TNFRSF10C: variants seen among roughly 807,000 people sequenced by gnomAD.
TNFRSF10C encodes tumor necrosis factor receptor superfamily member 10C.
A neutral mutation model predicts 16.7 loss-of-function variants in TNFRSF10C; 17 were observed. The ratio of observed to expected loss-of-function variants is 1.02; its 90% CI spans 0.70 to 1.53. TNFRSF10C has a LOEUF of 1.53. Among genes scored for constraint, TNFRSF10C ranks in the 40% most tolerant of loss-of-function variants. The probability of loss-of-function intolerance (pLI) is 0.00; values close to 1 mark genes in which losing one functional copy is unlikely to be tolerated. For synonymous variants in TNFRSF10C, 73 were observed against 119.7 expected (o/e 0.61, Z 2.55); for missense variants, 237 against 329.7 (o/e 0.72, Z 2.18).
rs957730568 is a variant in TNFRSF10C at position 23,111,814 on chromosome 8, A to C, written c.155A>C (p.Glu52Ala). ...CAGAGGCACAGCTTCAAGGGGGAGG[A>C]GTGTCCAGCAGGTGCACTCTTATTT... ...QQQRHSFKGE[E>A]CPAGSHRSEH... The change falls in exon 2 of 5, where the codon GAG (glutamate) becomes GCG (alanine). Residue 52 changes from glutamate (E) to alanine (A), a missense_variant. Transcript: ENST00000356864. The C allele has an allele frequency of 6.2e-7, 1 of 1,614,022 alleles. No individual in the cohort carries two copies. Among genetic ancestry groups the C allele is most frequent in the Non-Finnish European group, 8.5e-7 (1 of 1,179,924 alleles).
At chr8:23,112,011 C>T (rs529548156) in intron 2 of TNFRSF10C, among the ~76,000 whole-genome samples, 186 bp downstream of exon 2, 1 of 152,282 alleles carries the variant, frequency 6.6e-6, no homozygotes, top group South Asian at 2.1e-4. Context: ...CAATTTTCAG[C>T]TGTATGGATA....
chr8:23,104,033 G>C (rs931919694), intron 1 of TNFRSF10C, among the ~76,000 whole-genome samples: 13 of 151,886 alleles, frequency 8.6e-5, no homozygotes, highest in African/African-American at 2.9e-4. Context: ...GCTAAATTCA[G>C]AAAAGCAGTA....
intron 1 of TNFRSF10C, among the ~76,000 whole-genome samples, chr8:23,106,306 G>A (rs546388970): frequency 2.0e-5 from 3 of 152,176 alleles, no homozygotes; most frequent in Non-Finnish European, 4.4e-5. Flanking sequence ...GCTGGAGAGA[G>A]GCCATGCTGT....
chr8:23,114,439 T>C (rs1262231736), intron 2 of TNFRSF10C: 3 of 422,296 alleles, frequency 7.1e-6, no homozygotes, highest in Non-Finnish European at 1.3e-5. Context: ...CTCATAGAAT[T>C]TGAATTTTGC....
intron 2 of TNFRSF10C, among the ~76,000 whole-genome samples, 161 bp downstream of exon 2, chr8:23,111,986 TA>T: frequency 6.6e-6 from 1 of 152,200 alleles, no homozygotes; most frequent in East Asian, 1.9e-4. Context: ...TAAGAACACT[TA>T]AAAATCTGCT....
intron 1 of TNFRSF10C, among the ~76,000 whole-genome samples, chr8:23,110,825 TG>T (rs1232384473): frequency 6.6e-6 from 1 of 152,238 alleles, no homozygotes; most frequent in East Asian, 1.9e-4. Context: ...TGTATTTGTG[TG>T]TGTGTGAGTG....
chr8:23,103,174 T>A lies in TNFRSF10C; in HGVS notation c.53T>A (p.Leu18Gln). Residue 18 changes from leucine (L) to glutamine (Q), a missense_variant, in exon 1 of 5, where the codon CTG (leucine) becomes CAG (glutamine). Transcript: ENST00000356864. ...TTCGTCGTCGTCATCGTCGCGGTCC[T>A]GCTGCCAGTGAGTCCCGGCCGCGGT... Reference protein sequence around the residue: ...LKFVVVIVAVLLPVLAYSATT... With the variant: ...LKFVVVIVAVQLPVLAYSATT... 6.2e-7 allele frequency: 1 copy of A among 1,611,052 alleles called. No homozygotes were observed. The highest frequency in any genetic ancestry group is 8.5e-7 in the Non-Finnish European group (1 of 1,178,978).
At chr8:23,108,956 GAT>G (rs148394266) in intron 1 of TNFRSF10C, among the ~76,000 whole-genome samples, 17,102 of 152,140 alleles carry the variant, frequency 0.11, 1,229 homozygotes, top group East Asian at 0.33. Context: ...CTAAAATTTT[GAT>G]ATTGAACAAC....
chr8:23,112,896 T>C (rs888327955), intron 2 of TNFRSF10C, among the ~76,000 whole-genome samples: 1 of 151,832 alleles, frequency 6.6e-6, no homozygotes, highest in Non-Finnish European at 1.5e-5. Context: ...ACCTCCATAC[T>C]GTTTTCCATA....
chr8:23,107,646 G>GT, intron 1 of TNFRSF10C, among the ~76,000 whole-genome samples: 1 of 152,196 alleles, frequency 6.6e-6, no homozygotes, highest in Admixed American at 6.5e-5. Context: ...AATTCTAAAA[G>GT]GTAATTAACA....
Position 23,103,045 on chromosome 8 carries a change from G to A in TNFRSF10C, c.-77G>A. The A allele has an allele frequency of 6.4e-7, 1 of 1,571,528 alleles. No homozygotes were observed. Among genetic ancestry groups the A allele is most frequent in the Non-Finnish European group, 8.6e-7 (1 of 1,158,574 alleles). On this transcript the variant is annotated 5_prime_UTR_variant, in exon 1 of 5. Coordinates refer to ENST00000356864, the MANE Select transcript of TNFRSF10C (RefSeq NM_003841.5). The stretch of plus-strand genomic sequence containing the variant: ...CGCTTCCTACCGTTAGGGAACTCTG[G>A]GGACAGAGCGCCCCGGCCGCCTGAT...
chr8:23,107,252 A>C (rs1442226624), intron 1 of TNFRSF10C, among the ~76,000 whole-genome samples: 1 of 152,254 alleles, frequency 6.6e-6, no homozygotes, highest in Non-Finnish European at 1.5e-5. Flanking sequence ...AGGAATCCAC[A>C]CAGAATGCTT....
intron 2 of TNFRSF10C, 110 bp from the exon 3 acceptor site, chr8:23,114,547 G>T (rs1331234719): frequency 1.1e-5 from 9 of 819,326 alleles, no homozygotes; most frequent in Non-Finnish European, 1.8e-5. Context: ...TGGAAGAGTG[G>T]ATTTCTCTGT....
intron 1 of TNFRSF10C, among the ~76,000 whole-genome samples, chr8:23,108,389 C>G (rs1287894595): frequency 2.0e-5 from 3 of 152,170 alleles, no homozygotes; most frequent in South Asian, 4.1e-4. Flanking sequence ...TATTAGGAAA[C>G]TGCTTTTTTC....
intron 2 of TNFRSF10C, among the ~76,000 whole-genome samples, chr8:23,113,395 C>T (rs1813916374): frequency 6.6e-6 from 1 of 152,152 alleles, no homozygotes; most frequent in African/African-American, 2.4e-5. Context: ...TGAAAATTTT[C>T]CCCTATGTAT....
At chr8:23,115,469 A>T in intron 3 of TNFRSF10C, 39 bp from the exon 4 acceptor site, 3 of 1,561,340 alleles carry the variant, frequency 1.9e-6, no homozygotes, top group Non-Finnish European at 2.6e-6. Flanking sequence ...GGGATACATC[A>T]GGGAAACACA....
intron 1 of TNFRSF10C, among the ~76,000 whole-genome samples, chr8:23,109,481 C>CA (rs1469690863): frequency 6.6e-6 from 1 of 151,516 alleles, no homozygotes; most frequent in Admixed American, 6.6e-5. Context: ...ACTAAAAATA[C>CA]AAAAAATTAG....
rs529986814 is a variant in TNFRSF10C at position 23,114,700 on chromosome 8, A to G, written c.210A>G (p.Thr70=). ...SEHTGACNPC[T]EGVDYTNASN... ...ATACTGGAGCCTGTAACCCGTGCAC[A>G]GAGGGTGTGGATTACACCAACGCTT... Residue 70 remains threonine (T), a synonymous_variant, in exon 3 of 5, where the codon ACA becomes ACG. Coordinates refer to ENST00000356864, the MANE Select transcript of TNFRSF10C (RefSeq NM_003841.5). 3 of 1,614,138 alleles carry G rather than the reference A, an allele frequency of 1.9e-6. No homozygotes were observed. The highest frequency in any genetic ancestry group is 2.2e-5 in the East Asian group (1 of 44,876).
intron 1 of TNFRSF10C, among the ~76,000 whole-genome samples, chr8:23,110,382 G>A (rs553728402): frequency 4.7e-4 from 71 of 152,034 alleles, no homozygotes; most frequent in African/African-American, 1.5e-3. Flanking sequence ...AACCATTTTG[G>A]TTTTGCTTAA....
Sources: allele counts gnomAD v4.1 joint callset (sites outside exome capture counted in the v4.1 genomes callset), GRCh38; gene constraint gnomAD v4.1.1; transcripts MANE v1.5; gene names NCBI Gene and HGNC (gene_info 2026-07-23, HGNC 2026-07-21).